TMEM255A: variants seen among roughly 807,000 people sequenced by gnomAD.
The protein encoded by TMEM255A is transmembrane protein 255A, also known as family with sequence similarity 70, member A.
TMEM255A carries 14 observed loss-of-function variants against 23.5 expected under a neutral mutation model. The ratio of observed to expected loss-of-function variants is 0.60; its 90% CI spans 0.39 to 0.93. TMEM255A has a LOEUF of 0.93. TMEM255A is among the 40% of genes least tolerant of loss of function. The pLI, the probability that TMEM255A is intolerant of heterozygous loss-of-function variation, is 0.00. For missense variants in TMEM255A, 233 were observed against 261.7 expected (o/e 0.89, Z 0.76); for synonymous variants, 104 against 100.3 (o/e 1.04, Z -0.22).
downstream of TMEM255A, chrX:120,258,448 T>C (rs2057652365): frequency 8.3e-6 from 1 of 121,085 alleles, no homozygotes; most frequent in Non-Finnish European, 1.9e-5. Context: ...TATATGGGTT[T>C]TTATATTGTT....
chrX:120,306,922 G>A (rs1556027215), intron 1 of TMEM255A, among the ~76,000 whole-genome samples: 2 of 112,055 alleles, frequency 1.8e-5, no homozygotes. Context: ...AGCAACCCAG[G>A]CAAATATCCC....
chrX:120,274,955 T>A (rs2057786404), intron 7 of TMEM255A, among the ~76,000 whole-genome samples: 1 of 111,035 alleles, frequency 9.0e-6, no homozygotes, highest in Non-Finnish European at 1.9e-5. Flanking sequence ...CTCTTAACAC[T>A]CATCCTGAGG....
intron 1 of TMEM255A, among the ~76,000 whole-genome samples, chrX:120,306,154 A>T (rs1404599841): frequency 2.7e-5 from 3 of 111,263 alleles, no homozygotes; most frequent in Non-Finnish European, 5.7e-5. Context: ...TGGGACAAAA[A>T]CATAAAGGCC....
chrX:120,270,359 G>T (rs1048931518), intron 7 of TMEM255A, among the ~76,000 whole-genome samples: 1 of 97,390 alleles, frequency 1.0e-5, no homozygotes, highest in Non-Finnish European at 2.1e-5. Context: ...TGAGACGCCC[G>T]CCCTGCCCCC....
At chrX:120,285,942 G>A (rs2057872583) in intron 5 of TMEM255A, 1 of 1,154,386 alleles carries the variant, frequency 8.7e-7, no homozygotes, top group Non-Finnish European at 1.2e-6. Flanking sequence ...ATGCAATGAA[G>A]TGCTGCTAAA....
downstream of TMEM255A, chrX:120,254,140 A>G (rs2057619910): frequency 8.3e-7 from 1 of 1,211,576 alleles, no homozygotes; most frequent in African/African-American, 1.7e-5. Context: ...CCTTTAACAA[A>G]TATCACACCT....
At position 120,304,584 on chromosome X, in the gene TMEM255A, T is replaced by C. The variant is rs1292107564; in HGVS notation, c.59-93A>G. 9.3e-6 allele frequency: 9 copies of C among 965,460 alleles called. No homozygotes were observed. The Admixed American group carries it at 1.5e-4, about 17-fold the overall frequency. 79.6% of individuals were successfully genotyped at this position (965,460 alleles called of 1,213,427 possible). On this transcript the variant is annotated intron_variant, in intron 1 of 8. Coordinates refer to ENST00000371369, the MANE Select transcript of TMEM255A (RefSeq NM_001104544.3). ...ACACTAAGAAGGTTTTCCTTTCCTA[T>C]TCCTACCGGTAACTGAAGTTATCTT...
chrX:120,300,660 G>A (rs1403946267), intron 2 of TMEM255A, among the ~76,000 whole-genome samples: 1 of 101,774 alleles, frequency 9.8e-6, no homozygotes, highest in African/African-American at 3.7e-5. Flanking sequence ...CTCTCAAAAT[G>A]CTGGGATTAC....
intron 2 of TMEM255A, among the ~76,000 whole-genome samples, chrX:120,294,534 G>T (rs2057941902): frequency 9.0e-6 from 1 of 111,330 alleles, no homozygotes; most frequent in Non-Finnish European, 1.9e-5. Context: ...CCATTTGCCA[G>T]TTTTCCCTTG....
intron 7 of TMEM255A, among the ~76,000 whole-genome samples, chrX:120,276,379 C>T (rs1170564896): frequency 7.1e-5 from 8 of 111,985 alleles, no homozygotes; most frequent in Non-Finnish European, 1.9e-5. Context: ...GCAACTTAGC[C>T]TAGAGCTGGC....
chrX:120,307,087 C>A (rs1201283801), intron 1 of TMEM255A, among the ~76,000 whole-genome samples: 3 of 112,381 alleles, frequency 2.7e-5, no homozygotes, highest in African/African-American at 9.7e-5. Context: ...AATTGTGTAA[C>A]ATGAAATTAT....
chrX:120,261,085 G>A, intron 8 of TMEM255A, 57 bp from the exon 9 acceptor site: 11 of 1,144,853 alleles, frequency 9.6e-6, no homozygotes, highest in Non-Finnish European at 1.2e-5. Flanking sequence ...TCCCTGAACA[G>A]TCATTACTAT....
intron 2 of TMEM255A, among the ~76,000 whole-genome samples, chrX:120,295,551 T>A (rs185585717): frequency 2.7e-5 from 3 of 111,963 alleles, no homozygotes; most frequent in Admixed American, 1.9e-4. Flanking sequence ...ACTGAGAACA[T>A]CCTCATTCAA....
intron 2 of TMEM255A, among the ~76,000 whole-genome samples, chrX:120,301,323 C>T (rs2058032601): frequency 8.9e-6 from 1 of 112,355 alleles, no homozygotes; most frequent in Non-Finnish European, 1.9e-5. Context: ...TAACTTCTCC[C>T]TAATTTGTCT....
chrX:120,260,719 A>G lies in TMEM255A; in HGVS notation c.*151T>C, dbSNP rs1011070249. On this transcript the variant is annotated 3_prime_UTR_variant, in exon 9 of 9. Coordinates refer to ENST00000371369, the MANE Select transcript of TMEM255A (RefSeq NM_001104544.3). Reference sequence around the variant, plus strand: ...CACCCCTGCTCTGCACTAATAATGAATAAGCTTCGTCCCTATCTTTCCCTA... The same window carrying G: ...CACCCCTGCTCTGCACTAATAATGAGTAAGCTTCGTCCCTATCTTTCCCTA... 1.5e-5 allele frequency: 12 copies of G among 777,884 alleles called. No individual in the cohort carries two copies. Among genetic ancestry groups the G allele is most frequent in the Admixed American group, 4.0e-5 (1 of 25,003 alleles). 64.1% of individuals were successfully genotyped at this position (777,884 alleles called of 1,213,427 possible).
chrX:120,286,091 A>T (rs1603402072), intron 5 of TMEM255A: 1 of 302,103 alleles, frequency 3.3e-6, no homozygotes, highest in East Asian at 1.1e-4. Flanking sequence ...CTAACCTGAG[A>T]ACAGTGAGAG....
In TMEM255A at chrX:120,259,537, C is replaced by G. The variant is rs1172292593; in HGVS notation, c.*1333G>C. The G allele has an allele frequency of 9.0e-6, 1 of 111,664 alleles. No homozygotes were observed. The highest frequency in any genetic ancestry group is 3.3e-5 in the African/African-American group (1 of 30,577). 9.2% of individuals were successfully genotyped at this position (111,664 alleles called of 1,213,427 possible). On this transcript the variant is annotated 3_prime_UTR_variant, in exon 9 of 9. Transcript: ENST00000371369. ...GTGTGTTCTGTGTTTGGAGAACTGT[C>G]TAATTAGGTACCCTCCTGTAGCCCC...
intron 7 of TMEM255A, among the ~76,000 whole-genome samples, chrX:120,273,777 G>A (rs1243540606): frequency 6.2e-5 from 7 of 112,087 alleles, no homozygotes; most frequent in African/African-American, 2.3e-4. Context: ...TGGTGAGGAT[G>A]TGGAGAAATT....
intron 2 of TMEM255A, among the ~76,000 whole-genome samples, chrX:120,300,554 A>ATTT (rs368966488): frequency 0.022 from 1,612 of 74,133 alleles, 69 homozygotes; most frequent in African/African-American, 0.06. Context: ...GGCCAGGCTA[A>ATTT]TTTTTTTTTT....
Sources: gnomAD v4.1 joint callset for allele counts (sites outside exome capture counted in the v4.1 genomes callset) on GRCh38, gnomAD v4.1.1 for gene constraint, MANE v1.5 for transcripts, NCBI Gene and HGNC (gene_info 2026-07-23, HGNC 2026-07-21) for gene names.